The following SLC6A9 variants were observed in gnomAD, a reference collection of about 807,000 sequenced individuals.
The protein encoded by SLC6A9 is sodium- and chloride-dependent glycine transporter 1.
A neutral mutation model predicts 70.9 loss-of-function variants in SLC6A9; 31 were observed. The ratio of observed to expected loss-of-function variants is 0.44; its 90% confidence interval spans 0.33 to 0.59. The LOEUF is 0.59. Among genes scored for constraint, SLC6A9 ranks in the 20% least tolerant of loss-of-function variants. The probability of loss-of-function intolerance (pLI) is 0.04; values close to 1 mark genes in which losing one functional copy is unlikely to be tolerated. For missense variants in SLC6A9, 631 were observed against 845.2 expected (o/e 0.75, Z 3.14); for synonymous variants, 310 against 341.3 (o/e 0.91, Z 1.01).
chr1:44,003,409 C>A (rs1056679879), intron 5 of SLC6A9, among the ~76,000 whole-genome samples: 4 of 152,234 alleles, frequency 2.6e-5, no homozygotes, highest in African/African-American at 9.6e-5. Context: ...ATTTCACGTG[C>A]ACCAATTAGC....
intron 2 of SLC6A9, among the ~76,000 whole-genome samples, chr1:44,022,048 G>A (rs919924786): frequency 2.6e-5 from 4 of 152,262 alleles, no homozygotes; most frequent in Non-Finnish European, 5.9e-5. Flanking sequence ...GGCAGAGAGC[G>A]GGGAGGAGAG....
intron 2 of SLC6A9, chr1:44,017,096 G>A: frequency 6.2e-7 from 1 of 1,606,048 alleles, no homozygotes; most frequent in African/African-American, 1.3e-5. Flanking sequence ...GGCCATCCTG[G>A]GGCGAGCGAT....
In SLC6A9 at chr1:44,001,611, T is replaced by A; in HGVS notation, c.979A>T (p.Ser327Cys). The A allele has an allele frequency of 6.2e-7, 1 of 1,613,448 alleles. No homozygotes were observed. The highest frequency in any genetic ancestry group is 8.5e-7 in the Non-Finnish European group (1 of 1,179,578). ...NNCYRDSVII[S>C]ITNCATSVYA... is the part of the protein sequence containing the mutation. ...ACGCTGGTGGCACAGTTGGTGATGCTGATGATGACACTGTCCCTGATGGGG... is the reference window on the plus strand; with the variant it reads ...ACGCTGGTGGCACAGTTGGTGATGCAGATGATGACACTGTCCCTGATGGGG... Residue 327 changes from serine to cysteine, a missense_variant, in exon 9 of 14, where the codon AGC becomes TGC. Physicochemically the swap from Ser to Cys is moderately radical, Grantham distance 112. Coordinates refer to ENST00000372310, the MANE Select transcript of SLC6A9 (RefSeq NM_001024845.3).
At chr1:44,011,520 C>G (rs2086568778) in intron 2 of SLC6A9, 1 of 1,591,964 alleles carries the variant, frequency 6.3e-7, no homozygotes, top group Non-Finnish European at 8.6e-7. Flanking sequence ...GGGGAGCTAG[C>G]TACACTGCCC....
In SLC6A9 at chr1:44,002,604, T is replaced by C. The variant is rs1202202672; in HGVS notation, c.766A>G (p.Ile256Val). ...AGGGTCACTCCGCGGACAAACAGAA[T>C]GGTCAGCACCACGTAGGGGAACGTG... is the stretch of plus-strand genomic sequence containing the variant. ...TATFPYVVLT[I>V]LFVRGVTLEG... The change falls in exon 7 of 14, where the codon ATT becomes GTT. Residue 256 changes from isoleucine to valine, a missense_variant. Coordinates refer to ENST00000372310, the MANE Select transcript of SLC6A9 (RefSeq NM_001024845.3). This position sits in a 1 kb window ranked among gnomAD's most constrained non-coding sequence, Gnocchi z 5.5. 1.9e-6 allele frequency: 3 copies of C among 1,614,002 alleles called. No homozygotes were observed. The highest frequency in any genetic ancestry group is 1.1e-5 in the South Asian group (1 of 91,080).
At chr1:44,011,800 C>A in intron 2 of SLC6A9, 2 of 1,457,876 alleles carry the variant, frequency 1.4e-6, no homozygotes, top group Non-Finnish European at 1.9e-6. Context: ...GCCTGCAGGA[C>A]TGAGCTGGTG....
intron 2 of SLC6A9, among the ~76,000 whole-genome samples, chr1:44,022,610 T>C (rs1320338529): frequency 6.6e-6 from 1 of 152,000 alleles, no homozygotes; most frequent in Non-Finnish European, 1.5e-5. Flanking sequence ...AGGGGTTGGA[T>C]GCTGGAGGTT....
intron 3 of SLC6A9, 45 bp downstream of exon 3, chr1:44,010,681 G>A: frequency 6.3e-7 from 1 of 1,592,638 alleles, no homozygotes. Context: ...CTGGTGGGTG[G>A]GCTCTACCCA....
chr1:44,023,988 T>A (rs1232636650), intron 2 of SLC6A9, among the ~76,000 whole-genome samples: 1 of 152,222 alleles, frequency 6.6e-6, no homozygotes, highest in East Asian at 1.9e-4. Flanking sequence ...AGTGGCCTCC[T>A]TCTGTCTGGA....
chr1:44,011,761 C>A, intron 2 of SLC6A9: 2 of 1,603,842 alleles, frequency 1.2e-6, no homozygotes, highest in Non-Finnish European at 8.5e-7. Flanking sequence ...GAGGCAGATG[C>A]GGGGATTTGC....
At chr1:44,021,226 C>T (rs538594874) in intron 2 of SLC6A9, among the ~76,000 whole-genome samples, 2 of 152,296 alleles carry the variant, frequency 1.3e-5, no homozygotes, top group Non-Finnish European at 1.5e-5. Context: ...CCACCCACCC[C>T]CTAGTGCCCC....
chr1:44,006,914 G>A (rs571970491), intron 5 of SLC6A9, among the ~76,000 whole-genome samples: 37 of 152,292 alleles, frequency 2.4e-4, no homozygotes, highest in African/African-American at 6.7e-4. Context: ...GGTGACTTGC[G>A]GTATCCTCAG....
rs1470418671 is a variant in SLC6A9, at chr1:44,008,556, G to A, written c.387C>T (p.Ile129=). The change falls in exon 5 of 14, where the codon ATC becomes ATT. Residue 129 remains isoleucine (I), a synonymous_variant. Transcript: ENST00000372310. The part of the protein sequence containing the change: ...IGIYYNVVIC[I]AFYYFFSSMT... ...TGGACGAGAAGAAGTAGTAGAAGGC[G>A]ATGCAGATGACCACATTGTAGTAGA... 2 of 1,614,028 alleles carry A rather than the reference G, an allele frequency of 1.2e-6. No individual in the cohort carries two copies. Among genetic ancestry groups the A allele is most frequent in the East Asian group, 2.2e-5 (1 of 44,882 alleles).
chr1:44,003,516 G>A (rs1230231280), intron 5 of SLC6A9, among the ~76,000 whole-genome samples: 1 of 152,160 alleles, frequency 6.6e-6, no homozygotes, highest in African/African-American at 2.4e-5. Flanking sequence ...CAGCACTTTG[G>A]GAGGCCGTGG....
rs2085880842 is a variant in SLC6A9 at position 43,996,879 on chromosome 1, G to C, written c.*666C>G. ...AAACAAATGCTTTGGGCAGGCTGCTGGGTCACGGGCCCCTGCTGGCTGGGC... is the reference window on the plus strand; with the variant it reads ...AAACAAATGCTTTGGGCAGGCTGCTCGGTCACGGGCCCCTGCTGGCTGGGC... On this transcript the variant is annotated 3_prime_UTR_variant, in exon 14 of 14. Coordinates refer to ENST00000372310, the MANE Select transcript of SLC6A9 (RefSeq NM_001024845.3). The C allele has an allele frequency of 6.5e-6, 1 of 152,984 alleles. No homozygotes were observed. Among genetic ancestry groups the C allele is most frequent in the South Asian group, 2.1e-4 (1 of 4,852 alleles). 9.5% of individuals were successfully genotyped at this position (152,984 alleles called of 1,614,324 possible).
At chr1:44,012,192 A>G (rs1346206447) in intron 2 of SLC6A9, among the ~76,000 whole-genome samples, 1 of 152,270 alleles carries the variant, frequency 6.6e-6, no homozygotes, top group Non-Finnish European at 1.5e-5. Context: ...CTGGTCAATA[A>G]GCAAGGCAGC....
chr1:44,024,338 C>T lies in SLC6A9; in HGVS notation c.-61G>A, dbSNP rs559796405. The T allele has an allele frequency of 6.3e-7, 1 of 1,596,596 alleles. No homozygotes were observed. The highest frequency in any genetic ancestry group is 1.3e-5 in the African/African-American group (1 of 74,740). ...ACACTCACAGGCTCTGCTTCCAGCG[C>T]CTTTCAGGCCACAGATCTCAAGAGC... On this transcript the variant is annotated 5_prime_UTR_variant, in exon 2 of 14. Coordinates refer to ENST00000372310, the MANE Select transcript of SLC6A9 (RefSeq NM_001024845.3).
intron 2 of SLC6A9, chr1:44,011,782 A>C (rs2086581021): frequency 6.5e-7 from 1 of 1,547,016 alleles, no homozygotes; most frequent in African/African-American, 1.4e-5. Flanking sequence ...CCCAGGGAAG[A>C]ATGTGGGGCC....
At chr1:44,014,761 G>C (rs1051983845) in intron 2 of SLC6A9, 1 of 152,124 alleles carries the variant, frequency 6.6e-6, no homozygotes, top group African/African-American at 2.4e-5. Context: ...CGGTGCAGGT[G>C]AGAGCCCTGG....
Sources: allele counts gnomAD v4.1 joint callset (sites outside exome capture counted in the v4.1 genomes callset), GRCh38; gene constraint gnomAD v4.1.1; non-coding constraint Gnocchi (gnomAD v3.1); transcripts MANE v1.5; gene names NCBI Gene and HGNC (gene_info 2026-07-23, HGNC 2026-07-21).